COL4A6: variants seen among roughly 807,000 people sequenced by gnomAD.
The protein encoded by COL4A6 is collagen type IV alpha 6 chain, also known as collagen alpha-6(IV) chain.
In COL4A6, 59 loss-of-function variants were observed where a neutral mutation model predicts 126.7. The ratio of observed to expected loss-of-function variants is 0.47; its 90% confidence interval spans 0.38 to 0.58. The LOEUF (loss-of-function observed/expected upper bound fraction) is 0.58. Among genes scored for constraint, COL4A6 ranks in the 20% least tolerant of loss-of-function variants. The pLI, the probability that COL4A6 is intolerant of heterozygous loss-of-function variation, is 0.00. For synonymous variants in COL4A6, 547 were observed against 496.6 expected, an observed-to-expected ratio of 1.10 and a Z score of -1.35; for missense variants, 1,285 against 1,337.3, an observed-to-expected ratio of 0.96 and a Z score of 0.61.
At chrX:108,252,758 A>G (rs371807567) in intron 3 of COL4A6, among the ~76,000 whole-genome samples, 3 of 111,893 alleles carry the variant, frequency 2.7e-5, no homozygotes, top group East Asian at 5.6e-4. Context: ...ATCCTCAGCA[A>G]AATACTAGCA....
intron 2 of COL4A6, among the ~76,000 whole-genome samples, chrX:108,395,523 A>G (rs1432495281): frequency 8.9e-6 from 1 of 112,292 alleles, no homozygotes; most frequent in East Asian, 2.8e-4. Flanking sequence ...TTTTTCCTTA[A>G]CCCAATATCT....
At chrX:108,253,444 T>C (rs2036907879) in intron 3 of COL4A6, among the ~76,000 whole-genome samples, 1 of 112,260 alleles carries the variant, frequency 8.9e-6, no homozygotes, top group Non-Finnish European at 1.9e-5. Context: ...CAAAACATGT[T>C]CACATTACAT....
At position 108,159,419 on chromosome X, in the gene COL4A6, C is replaced by G. The variant is rs772376757; in HGVS notation, c.4812+43G>C. 4.9e-5 allele frequency: 58 copies of G among 1,195,692 alleles called. 1 individual carries two copies. In the East Asian group the frequency reaches 1.3e-3, roughly 26 times the overall value. On this transcript the variant is annotated intron_variant, in intron 44 of 44. Coordinates refer to ENST00000334504, the MANE Select transcript of COL4A6 (RefSeq NM_033641.4). ...TGAGCCTGGGAACCAGTCCAAGGGGCCCTTTGCCTCCAACTGGGGGAGGAG... is the reference window on the plus strand; with the variant it reads ...TGAGCCTGGGAACCAGTCCAAGGGGGCCTTTGCCTCCAACTGGGGGAGGAG...
At chrX:108,307,667 G>A (rs1421914364) in intron 3 of COL4A6, among the ~76,000 whole-genome samples, 2 of 112,098 alleles carry the variant, frequency 1.8e-5, no homozygotes, top group African/African-American at 3.2e-5. Context: ...CCAATGTTCC[G>A]TTGCCCTCCC....
At chrX:108,326,143 A>T in intron 2 of COL4A6, among the ~76,000 whole-genome samples, 1 of 112,433 alleles carries the variant, frequency 8.9e-6, no homozygotes, top group East Asian at 2.8e-4. Flanking sequence ...CATGATCTAT[A>T]TAAAATATAG....
At chrX:108,265,816 A>G (rs2147740832) in intron 3 of COL4A6, among the ~76,000 whole-genome samples, 1 of 111,096 alleles carries the variant, frequency 9.0e-6, no homozygotes, top group African/African-American at 3.3e-5. Flanking sequence ...GATCATGAAG[A>G]CCTAGAGTGC....
intron 2 of COL4A6, among the ~76,000 whole-genome samples, chrX:108,359,639 CT>C (rs764121218): frequency 3.3e-4 from 37 of 112,298 alleles, no homozygotes; most frequent in Middle Eastern, 4.6e-3. Context: ...TAGGTGCCTA[CT>C]TTGTGTTTCA....
At chrX:108,362,287 A>G (rs2040105077) in intron 2 of COL4A6, among the ~76,000 whole-genome samples, 1 of 112,446 alleles carries the variant, frequency 8.9e-6, no homozygotes, top group Non-Finnish European at 1.9e-5. Flanking sequence ...TCCTCTTACA[A>G]TAAGTTTAAC....
intron 7 of COL4A6, among the ~76,000 whole-genome samples, chrX:108,210,435 C>T (rs1403483281): frequency 3.6e-5 from 4 of 112,438 alleles, no homozygotes; most frequent in Non-Finnish European, 7.5e-5. Flanking sequence ...AAGGGAAAAT[C>T]AACAGAGCAT....
intron 3 of COL4A6, among the ~76,000 whole-genome samples, chrX:108,260,985 A>G (rs1028733394): frequency 1.8e-5 from 2 of 110,657 alleles, no homozygotes; most frequent in Non-Finnish European, 3.8e-5. Flanking sequence ...ACTGTATCCT[A>G]CCTTCCACAT....
chrX:108,370,163 T>C (rs1316876605), intron 2 of COL4A6, among the ~76,000 whole-genome samples: 1 of 112,640 alleles, frequency 8.9e-6, no homozygotes, highest in Admixed American at 9.4e-5. Flanking sequence ...TCCTGCCTTG[T>C]TTATTGAAGC....
At chrX:108,195,016 T>A in intron 15 of COL4A6, 66 bp downstream of exon 15, 2 of 916,419 alleles carry the variant, frequency 2.2e-6, no homozygotes, top group Middle Eastern at 5.5e-4. Context: ...CCATGTTAGG[T>A]AAAGCAAGGG....
intron 2 of COL4A6, among the ~76,000 whole-genome samples, chrX:108,316,092 C>T (rs1447062654): frequency 1.8e-5 from 2 of 111,974 alleles, no homozygotes; most frequent in Non-Finnish European, 3.8e-5. Context: ...GACAATGATG[C>T]AAAAGGTAAC....
intron 3 of COL4A6, among the ~76,000 whole-genome samples, chrX:108,304,057 G>C (rs759753246): frequency 3.2e-4 from 36 of 111,540 alleles, no homozygotes; most frequent in African/African-American, 8.8e-4. Flanking sequence ...GGAAAACTGA[G>C]ACCTTGAGAG....
chrX:108,401,684 T>G (rs1403093300), intron 2 of COL4A6, among the ~76,000 whole-genome samples: 8 of 111,298 alleles, frequency 7.2e-5, no homozygotes, highest in Non-Finnish European at 1.5e-4. Context: ...GCAACATAAG[T>G]TTTATTTTTA....
chrX:108,266,526 A>C (rs188482633), intron 3 of COL4A6, among the ~76,000 whole-genome samples: 9 of 111,748 alleles, frequency 8.1e-5, no homozygotes, highest in African/African-American at 2.6e-4. Context: ...TTCTCATTTC[A>C]AAACGTGTAC....
chrX:108,258,270 G>A (rs1467169004), intron 3 of COL4A6, among the ~76,000 whole-genome samples: 2 of 111,967 alleles, frequency 1.8e-5, no homozygotes, highest in Non-Finnish European at 3.8e-5. Flanking sequence ...GGCTCTGGTG[G>A]AGAGGACACT....
At chrX:108,213,413 C>G (rs753708188) in intron 6 of COL4A6, among the ~76,000 whole-genome samples, 1 of 111,992 alleles carries the variant, frequency 8.9e-6, no homozygotes, top group African/African-American at 3.2e-5. Flanking sequence ...TGAGCCCTAT[C>G]TGGATGAATA....
In COL4A6 at chrX:108,162,446, CGAA is replaced by C. The variant is rs1451713483; in HGVS notation, c.4216+443_4216+445del. ...AAGAAGAGGAGGAGGAAGAGGAAGACGAAGAAGAAAAGAAGAAGAAGAAGAAGA... is the reference window on the plus strand; with the variant it reads ...AAGAAGAGGAGGAGGAAGAGGAAGACGAAGAAAAGAAGAAGAAGAAGAAGA... On this transcript the variant is annotated intron_variant, in intron 41 of 44. Transcript: ENST00000334504. Among the ~76,000 whole-genome samples, 9 of 88,010 alleles carry C rather than the reference CGAA, an allele frequency of 1.0e-4. No homozygotes were observed. In the South Asian group the frequency reaches 4.8e-3, roughly 47 times the overall value. The allele number at this position is 88,010 out of a possible 115,157, so 76.4% of individuals were successfully genotyped here.
Sources: gnomAD v4.1 joint callset for allele counts (sites outside exome capture counted in the v4.1 genomes callset) on GRCh38, gnomAD v4.1.1 for gene constraint, MANE v1.5 for transcripts, NCBI Gene and HGNC (gene_info 2026-07-23, HGNC 2026-07-21) for gene names.